Variants in PHAF1 observed in about 807,000 individuals in gnomAD.
PHAF1 encodes phagosome assembly factor 1.
In PHAF1, 23 loss-of-function variants were observed where a neutral mutation model predicts 63.1. The observed-to-expected ratio is 0.36, with a 90% CI of 0.26 to 0.52. PHAF1 has a LOEUF of 0.52. Ranked by LOEUF, PHAF1 falls within the 20% of genes least tolerant of loss-of-function variation. The probability of loss-of-function intolerance (pLI) is 0.93; values close to 1 mark genes in which losing one functional copy is unlikely to be tolerated. For synonymous variants in PHAF1, 167 were observed against 185.0 expected, an observed-to-expected ratio of 0.90 and a Z score of 0.79; for missense variants, 427 against 517.2, an observed-to-expected ratio of 0.83 and a Z score of 1.69.
intron 3 of PHAF1, among the ~76,000 whole-genome samples, chr16:67,130,402 G>A (rs1405880991): frequency 7.2e-6 from 1 of 138,394 alleles, no homozygotes; most frequent in African/African-American, 2.8e-5. Flanking sequence ...AGGCTGGAGT[G>A]CAGTGGCGCA....
chr16:67,140,706 C>G (rs1243778622), intron 10 of PHAF1, 112 bp downstream of exon 10: 10 of 851,594 alleles, frequency 1.2e-5, no homozygotes, highest in Non-Finnish European at 1.7e-5. Flanking sequence ...ATTGGGGAAC[C>G]TAGCCCCAGC....
chr16:67,113,152 C>T (rs538556522), intron 1 of PHAF1, among the ~76,000 whole-genome samples: 1 of 152,330 alleles, frequency 6.6e-6, no homozygotes, highest in South Asian at 2.1e-4. Flanking sequence ...TCCTGCATGC[C>T]ACTGCTCTTT....
intron 3 of PHAF1, among the ~76,000 whole-genome samples, chr16:67,131,029 G>A (rs1367340016): frequency 1.3e-5 from 2 of 152,132 alleles, no homozygotes; most frequent in Non-Finnish European, 2.9e-5. Context: ...AAGACAGGAG[G>A]ATCATTTGAG....
chr16:67,140,019 C>T lies in PHAF1; in HGVS notation c.697C>T (p.Arg233Trp), dbSNP rs918765443. The change falls in exon 9 of 16, where the codon CGG becomes TGG. Residue 233 changes from arginine (R) to tryptophan (W), a missense_variant. Transcript: ENST00000219139. Reference sequence around the variant, plus strand: ...TGGCCTATTAGCAGATGCCAAGATGCGGGTATTTGAACGTTCAGTGTATTT... The same window carrying T: ...TGGCCTATTAGCAGATGCCAAGATGTGGGTATTTGAACGTTCAGTGTATTT... Reference protein sequence around the residue: ...GPGLLADAKMRVFERSVYFGD... With the variant: ...GPGLLADAKMWVFERSVYFGD... 4 of 1,614,004 alleles carry T rather than the reference C, an allele frequency of 2.5e-6. No individual in the cohort carries two copies. The highest frequency in any genetic ancestry group is 3.4e-6 in the Non-Finnish European group (4 of 1,179,966).
At chr16:67,120,252 A>G (rs920674696) in intron 2 of PHAF1, 58 bp downstream of exon 2, 3 of 1,496,880 alleles carry the variant, frequency 2.0e-6, no homozygotes, top group Non-Finnish European at 2.8e-6. Context: ...AGTCACTTCC[A>G]GAGCTGATGC....
chr16:67,112,016 T>C (rs1962537488), intron 1 of PHAF1, among the ~76,000 whole-genome samples: 1 of 152,132 alleles, frequency 6.6e-6, no homozygotes, highest in Admixed American at 6.5e-5. Flanking sequence ...TGGTACAAAA[T>C]GCTCCATTCT....
intron 3 of PHAF1, among the ~76,000 whole-genome samples, chr16:67,127,049 C>G (rs746140467): frequency 2.6e-5 from 4 of 151,468 alleles, no homozygotes; most frequent in African/African-American, 2.4e-5. Flanking sequence ...CCACTACGCC[C>G]AGCTAATTTT....
intron 2 of PHAF1, among the ~76,000 whole-genome samples, chr16:67,123,993 G>C (rs985714444): frequency 1.3e-5 from 2 of 152,076 alleles, no homozygotes; most frequent in Non-Finnish European, 2.9e-5. Context: ...ACCACATAGT[G>C]CATGTGTATT....
At position 67,144,842 on chromosome 16, in the gene PHAF1, G is replaced by A. The variant is rs1384413317; in HGVS notation, c.971G>A (p.Arg324His). 5 of 1,614,082 alleles carry A rather than the reference G, an allele frequency of 3.1e-6. No individual in the cohort carries two copies. The highest frequency in any genetic ancestry group is 1.1e-5 in the South Asian group (1 of 91,082). The change falls in exon 12 of 16, where the codon CGC becomes CAC. Residue 324 changes from arginine to histidine, a missense_variant. By Grantham distance (29) the Arg-to-His change is conservative. Coordinates refer to ENST00000219139, the MANE Select transcript of PHAF1 (RefSeq NM_025187.5). ...ATTTGCCTTCTCTCTAGTTATCATC[G>A]CTGTGAGTTCAAGATCCCACTAGCC... ...PGHYNFNIYH[R>H]CEFKIPLAIK... is the part of the protein sequence containing the mutation.
intron 1 of PHAF1, among the ~76,000 whole-genome samples, chr16:67,117,036 CAA>C (rs960470644): frequency 6.6e-5 from 10 of 151,504 alleles, no homozygotes; most frequent in African/African-American, 2.4e-4. Context: ...ACTCTGGAAA[CAA>C]ACTTTTTTTT....
At chr16:67,144,243 G>T (rs944833761) in intron 10 of PHAF1, 51 bp from the exon 11 acceptor site, 21 of 1,397,538 alleles carry the variant, frequency 1.5e-5, no homozygotes, top group Non-Finnish European at 2.1e-5. Context: ...AAAGGCCTCT[G>T]CCCTGCCTCA....
At position 67,145,635 on chromosome 16, in the gene PHAF1, G is replaced by A. The variant is rs756108108; in HGVS notation, c.1109+7G>A. ...AGCCTGTTGTCCTGCACAGGTGAGTGGGAGTTTGATGTCCCCGGCCACCCC... is the reference window on the plus strand; with the variant it reads ...AGCCTGTTGTCCTGCACAGGTGAGTAGGAGTTTGATGTCCCCGGCCACCCC... On this transcript the variant is annotated splice_region_variant and intron_variant, in intron 14 of 15. Transcript: ENST00000219139. 9 of 1,610,226 alleles carry A rather than the reference G, an allele frequency of 5.6e-6. No individual in the cohort carries two copies. Among genetic ancestry groups the A allele is most frequent in the African/African-American group, 5.4e-5 (4 of 74,696 alleles).
chr16:67,139,511 G>A (rs1963726407), intron 8 of PHAF1: 1 of 160,008 alleles, frequency 6.2e-6, no homozygotes, highest in Non-Finnish European at 1.4e-5. Context: ...ACCATGCCCA[G>A]CTAATTTTTG....
At chr16:67,123,054 A>G (rs1007727273) in intron 2 of PHAF1, among the ~76,000 whole-genome samples, 1 of 151,696 alleles carries the variant, frequency 6.6e-6, no homozygotes, top group Non-Finnish European at 1.5e-5. Context: ...ATGAGGATCA[A>G]AAGGAGATGG....
intron 2 of PHAF1, among the ~76,000 whole-genome samples, chr16:67,121,584 T>C (rs1045133821): frequency 6.9e-5 from 10 of 145,450 alleles, no homozygotes; most frequent in Admixed American, 1.4e-4. Context: ...TTTATTTACT[T>C]TTTTTTTTTT....
chr16:67,129,702 C>A (rs1380757366), intron 3 of PHAF1, among the ~76,000 whole-genome samples: 1 of 152,234 alleles, frequency 6.6e-6, no homozygotes, highest in Non-Finnish European at 1.5e-5. Flanking sequence ...CTCCGAGCCC[C>A]TACCTGTGCT....
At position 67,140,552 on chromosome 16, in the gene PHAF1, G is replaced by T; in HGVS notation, c.837G>T (p.Ser279=). The T allele has an allele frequency of 6.2e-7, 1 of 1,602,290 alleles. No individual in the cohort carries two copies. Among genetic ancestry groups the T allele is most frequent in the Non-Finnish European group, 8.6e-7 (1 of 1,169,238 alleles). Residue 279 remains serine (S), a synonymous_variant, in exon 10 of 16, where the codon TCG becomes TCT. Transcript: ENST00000219139. ...CTTCCCCTCATAAACAAGTTCCATC[G>T]AAGTGTAATGACTACTTTTTTAACT... ...HSPSPHKQVP[S]KCNDYFFNYF... is the part of the protein sequence containing the mutation.
intron 12 of PHAF1, 43 bp from the exon 13 acceptor site, chr16:67,145,333 G>C (rs1444749286): frequency 2.5e-6 from 4 of 1,610,696 alleles, no homozygotes; most frequent in Non-Finnish European, 1.7e-6. Flanking sequence ...CCACAGGTAG[G>C]CTGGGCCAGC....
chr16:67,118,313 C>T (rs1336747467), intron 1 of PHAF1, among the ~76,000 whole-genome samples: 4 of 143,570 alleles, frequency 2.8e-5, no homozygotes, highest in Admixed American at 7.1e-5. Flanking sequence ...CATGAGCCAC[C>T]GTACCCTGCC....
Sources: gnomAD v4.1 joint callset for allele counts (sites outside exome capture counted in the v4.1 genomes callset) on GRCh38, gnomAD v4.1.1 for gene constraint, MANE v1.5 for transcripts, NCBI Gene and HGNC (gene_info 2026-07-23, HGNC 2026-07-21) for gene names.